The following HGF variants were observed in gnomAD, a reference collection of about 807,000 sequenced individuals.
HGF encodes hepatocyte growth factor.
A neutral mutation model predicts 111.6 loss-of-function variants in HGF; 39 were observed. The observed-to-expected ratio is 0.35, with a 90% confidence interval of 0.27 to 0.46. The LOEUF (loss-of-function observed/expected upper bound fraction) is 0.46, where lower values mean the gene tolerates loss of function less well. Ranked by LOEUF, HGF falls within the 20% of genes least tolerant of loss-of-function variation. The pLI is 1.00. For missense variants in HGF, 735 were observed against 910.5 expected, an observed-to-expected ratio of 0.81 and a Z score of 2.48; for synonymous variants, 285 against 294.8, an observed-to-expected ratio of 0.97 and a Z score of 0.34.
chr7:81,762,655 C>G, intron 2 of HGF, 52 bp downstream of exon 2: 2 of 1,234,818 alleles, frequency 1.6e-6, no homozygotes, highest in South Asian at 1.2e-5. Context: ...GATTATAATA[C>G]ATGCATGCTA....
rs1205467159 is a variant in HGF, at chr7:81,725,971, G to T, written c.1087C>A (p.Pro363Thr). ...TTTGGATCAGTGGTAAAACACCAGG[G>T]TGATTCAGACCCATCTGGATTTCGG... ...YCRNPDGSES[P>T]WCFTTDPNIR... The change falls in exon 9 of 18, where the codon CCC (proline) becomes ACC (threonine). Residue 363 changes from proline to threonine, a missense_variant. Pro to Thr is a conservative substitution (Grantham distance 38). Coordinates refer to ENST00000222390, the MANE Select transcript of HGF (RefSeq NM_000601.6). 2 of 1,613,602 alleles carry T rather than the reference G, an allele frequency of 1.2e-6. No individual in the cohort carries two copies. Among genetic ancestry groups the T allele is most frequent in the Non-Finnish European group, 1.7e-6 (2 of 1,179,654 alleles).
In HGF at chr7:81,744,981, T is replaced by C. The variant is rs1788174147; in HGVS notation, c.746+19A>G. 2.5e-6 allele frequency: 4 copies of C among 1,612,982 alleles called. No homozygotes were observed. Among genetic ancestry groups the C allele is most frequent in the Admixed American group, 1.7e-5 (1 of 60,010 alleles). ...GTTTGTAAAAGAATCACTGAAAGCATGATTCATTAATATTTTACCTTTCAG... is the reference window on the plus strand; with the variant it reads ...GTTTGTAAAAGAATCACTGAAAGCACGATTCATTAATATTTTACCTTTCAG... On this transcript the variant is annotated intron_variant, in intron 6 of 17. Transcript: ENST00000222390.
chr7:81,736,608 G>A (rs527625039), intron 7 of HGF: 2 of 411,774 alleles, frequency 4.9e-6, no homozygotes, highest in Admixed American at 2.8e-5. Flanking sequence ...TAGTTGAAAT[G>A]TGAATGAGTA....
chr7:81,753,921 G>C (rs926840670), intron 4 of HGF, among the ~76,000 whole-genome samples: 3 of 151,768 alleles, frequency 2.0e-5, no homozygotes, highest in African/African-American at 7.3e-5. Flanking sequence ...CTTACTTTTA[G>C]CTCCATCATT....
chr7:81,726,691 A>G (rs1790021503), intron 8 of HGF, among the ~76,000 whole-genome samples: 1 of 152,032 alleles, frequency 6.6e-6, no homozygotes, highest in Non-Finnish European at 1.5e-5. Flanking sequence ...CACATTTTCA[A>G]TGTAGTACAC....
At chr7:81,747,652 A>G (rs1232712658) in intron 5 of HGF, among the ~76,000 whole-genome samples, 1 of 152,230 alleles carries the variant, frequency 6.6e-6, no homozygotes, top group Non-Finnish European at 1.5e-5. Context: ...TATTACAGTT[A>G]CATATTATTT....
intron 7 of HGF, chr7:81,742,972 G>A (rs758737619): frequency 6.2e-7 from 1 of 1,610,004 alleles, no homozygotes; most frequent in Non-Finnish European, 8.5e-7. Flanking sequence ...GGTAGGTAAA[G>A]GATACAGGAT....
At position 81,745,009 on chromosome 7, in the gene HGF, A is replaced by G. The variant is rs1167493527; in HGVS notation, c.737T>C (p.Leu246Ser). The G allele has an allele frequency of 1.9e-6, 3 of 1,614,038 alleles. No homozygotes were observed. Among genetic ancestry groups the G allele is most frequent in the Non-Finnish European group, 2.5e-6 (3 of 1,179,964 alleles). The change falls in exon 6 of 18, where the codon TTG (leucine) becomes TCG (serine). Residue 246 changes from leucine to serine, a missense_variant. This residue lies in a region of HGF where 553 missense variants were observed against 685.6 expected (regional missense o/e 0.81). Transcript: ENST00000222390. ...TTCATTAATATTTTACCTTTCAGGC[A>G]AGAATTTGTGCCGGTGTGGTGTCTG... Reference protein sequence around the residue: ...DHQTPHRHKFLPERYPDKGFD... With the variant: ...DHQTPHRHKFSPERYPDKGFD...
chr7:81,735,380 T>A (rs1288961622), intron 7 of HGF, among the ~76,000 whole-genome samples: 4 of 152,020 alleles, frequency 2.6e-5, no homozygotes, highest in Non-Finnish European at 5.9e-5. Context: ...AAGTAAAAGA[T>A]TTTTCCCTTG....
In HGF at chr7:81,745,184, G is replaced by C. The variant is rs4732406; in HGVS notation, c.626-64C>G. On this transcript the variant is annotated intron_variant, in intron 5 of 17. Transcript: ENST00000222390. The stretch of plus-strand genomic sequence containing the variant: ...CAGCAAAATCAAAAACACCACTGTT[G>C]CATTTAAAGAACAGCACCTGTTTAG... 0.96 allele frequency: 1,499,693 copies of C among 1,569,486 alleles called. 716,709 individuals are homozygous for C. The highest frequency in any genetic ancestry group is 1 in the East Asian group (44,605 of 44,620).
chr7:81,757,758 C>T (rs1788852471), intron 3 of HGF, among the ~76,000 whole-genome samples: 1 of 151,858 alleles, frequency 6.6e-6, no homozygotes, highest in South Asian at 2.1e-4. Flanking sequence ...CATGAGGTAG[C>T]TTGCTTATTA....
intron 1 of HGF, among the ~76,000 whole-genome samples, chr7:81,768,720 C>G (rs556741320): frequency 6.6e-6 from 1 of 152,244 alleles, no homozygotes; most frequent in Admixed American, 6.5e-5. Flanking sequence ...AGCATGATAA[C>G]CTGCTTGATT....
At chr7:81,723,938 G>A (rs932628152) in intron 9 of HGF, among the ~76,000 whole-genome samples, 4 of 151,546 alleles carry the variant, frequency 2.6e-5, no homozygotes, top group Admixed American at 2.6e-4. Flanking sequence ...GAGAATTTAG[G>A]CAAGTTACTT....
At position 81,702,012 on chromosome 7, in the gene HGF, A is replaced by T. The variant is rs753671589; in HGVS notation, c.*569T>A. The stretch of plus-strand genomic sequence containing the variant: ...CCATAATTTAAACTGTAGTGCATGC[A>T]CATGTGTACCTAGGCATGTGTACAT... On this transcript the variant is annotated 3_prime_UTR_variant, in exon 18 of 18. Transcript: ENST00000222390. 6 of 177,070 alleles carry T rather than the reference A, an allele frequency of 3.4e-5. No homozygotes were observed. Among genetic ancestry groups the T allele is most frequent in the Non-Finnish European group, 7.3e-5 (6 of 82,432 alleles). 11.0% of individuals were successfully genotyped at this position (177,070 alleles called of 1,614,324 possible).
chr7:81,763,140 T>G (rs1180535546), intron 1 of HGF: 9 of 448,706 alleles, frequency 2.0e-5, no homozygotes, highest in Non-Finnish European at 2.8e-5. Flanking sequence ...CAGGACAGAG[T>G]TCACACTAAA....
At chr7:81,732,040 A>C (rs1787678022) in intron 7 of HGF, among the ~76,000 whole-genome samples, 1 of 152,088 alleles carries the variant, frequency 6.6e-6, no homozygotes, top group Non-Finnish European at 1.5e-5. Flanking sequence ...TATGTGATTT[A>C]TTTTGATTAT....
intron 8 of HGF, 61 bp from the exon 9 acceptor site, chr7:81,726,078 C>G (rs1790000792): frequency 3.3e-6 from 5 of 1,526,204 alleles, no homozygotes; most frequent in Admixed American, 3.3e-5. Flanking sequence ...GAAGTCAGCG[C>G]TATTACATTT....
intron 7 of HGF, chr7:81,742,681 C>T: frequency 7.5e-7 from 1 of 1,326,246 alleles, no homozygotes; most frequent in East Asian, 3.0e-5. Flanking sequence ...TTGAAAGGAA[C>T]AATATAAAAC....
rs1477636741 is a variant in HGF, at chr7:81,700,846, T to C, written c.*1735A>G. On this transcript the variant is annotated 3_prime_UTR_variant, in exon 18 of 18. Coordinates refer to ENST00000222390, the MANE Select transcript of HGF (RefSeq NM_000601.6). ...GCATTTCTGGACTCGCCGCCCTATA[T>C]TCTGTGGACTAAGCTCTCCATAAAC... is the stretch of plus-strand genomic sequence containing the variant. 6.6e-6 allele frequency: 1 copy of C among 151,564 alleles called. No individual in the cohort carries two copies. Among genetic ancestry groups the C allele is most frequent in the Non-Finnish European group, 1.5e-5 (1 of 67,632 alleles). 9.4% of individuals were successfully genotyped at this position (151,564 alleles called of 1,614,324 possible).
Sources: gnomAD v4.1 joint callset for allele counts (sites outside exome capture counted in the v4.1 genomes callset) on GRCh38, gnomAD v4.1.1 for gene constraint, gnomAD v4.1.1 regional missense constraint, MANE v1.5 for transcripts, NCBI Gene and HGNC (gene_info 2026-07-23, HGNC 2026-07-21) for gene names.